The following TRAPPC9 variants were observed in gnomAD, a reference collection of about 807,000 sequenced individuals.
TRAPPC9 encodes the protein IKK2 binding protein.
A neutral mutation model predicts 124.0 loss-of-function variants in TRAPPC9; 83 were observed. The ratio of observed to expected loss-of-function variants is 0.67; its 90% CI spans 0.56 to 0.80. The LOEUF is 0.80. Among genes scored for constraint, TRAPPC9 ranks in the 30% least tolerant of loss-of-function variants. The probability of loss-of-function intolerance (pLI) is 0.00; values close to 1 mark genes in which losing one functional copy is unlikely to be tolerated. For synonymous variants in TRAPPC9, 638 were observed against 617.5 expected (o/e 1.03, Z -0.49); for missense variants, 1,302 against 1,508.3 (o/e 0.86, Z 2.27).
At chr8:139,886,355 G>A (rs899579324) in intron 20 of TRAPPC9, among the ~76,000 whole-genome samples, 4 of 152,170 alleles carry the variant, frequency 2.6e-5, no homozygotes, top group Non-Finnish European at 5.9e-5. Context: ...TCTTTGACAC[G>A]CGTCAGTTTC....
rs1290133147 is a variant in TRAPPC9, at chr8:139,757,820, C to T, written c.3056-25618G>A. The stretch of plus-strand genomic sequence containing the variant: ...TTCTCACGCTTAGTAGGCAAGCAGT[C>T]GGCACTGCTGGCGGGCTCGCCTCCC... On this transcript the variant is annotated intron_variant, in intron 21 of 22. Transcript: ENST00000438773. Among the ~76,000 whole-genome samples the T allele has an allele frequency of 5.9e-5, 9 of 152,104 alleles. No homozygotes were observed. The South Asian group carries it at 8.3e-4, about 14-fold the overall frequency.
chr8:140,074,377 C>G (rs141076996), intron 17 of TRAPPC9, among the ~76,000 whole-genome samples: 233 of 152,326 alleles, frequency 1.5e-3, no homozygotes, highest in African/African-American at 5.5e-3. Context: ...AGAAAAGCCA[C>G]TACTTTGGGC....
At chr8:140,370,697 T>C (rs548523423) in intron 8 of TRAPPC9, among the ~76,000 whole-genome samples, 2 of 152,356 alleles carry the variant, frequency 1.3e-5, no homozygotes, top group East Asian at 1.9e-4. Context: ...CACTGTTTGA[T>C]TGATGATGAC....
chr8:140,452,420 A>G (rs1247919179), intron 1 of TRAPPC9, among the ~76,000 whole-genome samples: 1 of 135,760 alleles, frequency 7.4e-6, no homozygotes, highest in African/African-American at 2.9e-5. Context: ...ACTGCATCTC[A>G]AAAAAAAAAA....
At chr8:139,940,866 C>T (rs548196564) in intron 19 of TRAPPC9, among the ~76,000 whole-genome samples, 7 of 152,300 alleles carry the variant, frequency 4.6e-5, no homozygotes, top group East Asian at 1.9e-4. Context: ...GGCTGAGTTC[C>T]GGCAGGGCGC....
chr8:140,413,180 G>A (rs1174945042), intron 5 of TRAPPC9, among the ~76,000 whole-genome samples: 1 of 152,162 alleles, frequency 6.6e-6, no homozygotes, highest in Non-Finnish European at 1.5e-5. Flanking sequence ...CCTGAGGTCA[G>A]GAGTTCAAGA....
chr8:140,440,160 T>C (rs1306651875), intron 2 of TRAPPC9, among the ~76,000 whole-genome samples: 1 of 152,214 alleles, frequency 6.6e-6, no homozygotes, highest in Non-Finnish European at 1.5e-5. Context: ...GTCTCCTTCC[T>C]GGCCACAAGG....
At chr8:140,147,893 T>C (rs144107713) in intron 17 of TRAPPC9, among the ~76,000 whole-genome samples, 2,803 of 152,314 alleles carry the variant, frequency 0.018, 42 homozygotes, top group Middle Eastern at 0.027. Context: ...GTCTAAGGCG[T>C]TGCCACCTCG....
At chr8:139,858,971 GC>G (rs1827969654) in intron 21 of TRAPPC9, among the ~76,000 whole-genome samples, 2 of 149,168 alleles carry the variant, frequency 1.3e-5, no homozygotes, top group Admixed American at 6.7e-5. Context: ...GTGAAATTGG[GC>G]CCCGAGTTTC....
chr8:140,254,125 G>A (rs1263270298), intron 15 of TRAPPC9, among the ~76,000 whole-genome samples: 3 of 152,188 alleles, frequency 2.0e-5, no homozygotes, highest in African/African-American at 7.2e-5. Flanking sequence ...ATGATATGCT[G>A]CCTTGACATC....
intron 16 of TRAPPC9, among the ~76,000 whole-genome samples, chr8:140,231,481 C>CTTTTTTTTTTTTTTTTTTTTTTTTTTT (rs71320347): frequency 1.8e-5 from 1 of 56,956 alleles, no homozygotes; most frequent in Non-Finnish European, 3.1e-5. Context: ...ACTGCCTTTT[C>CTTTTTTTTTTTTTTTTTTTTTTTTTTT]TTTTTTTTTT....
At chr8:140,181,911 T>C (rs564044404) in intron 17 of TRAPPC9, among the ~76,000 whole-genome samples, 6 of 152,312 alleles carry the variant, frequency 3.9e-5, no homozygotes, top group Non-Finnish European at 7.4e-5. Flanking sequence ...CTGGGTTGGC[T>C]GCTCCCTGCA....
chr8:139,807,747 A>G (rs1381151796), intron 21 of TRAPPC9, among the ~76,000 whole-genome samples: 1 of 152,192 alleles, frequency 6.6e-6, no homozygotes, highest in Non-Finnish European at 1.5e-5. Flanking sequence ...AGAGGTTGTT[A>G]ATAGCCTTCA....
intron 21 of TRAPPC9, among the ~76,000 whole-genome samples, chr8:139,873,476 A>G (rs1469272925): frequency 6.6e-6 from 1 of 152,076 alleles, no homozygotes; most frequent in African/African-American, 2.4e-5. Flanking sequence ...TGCCGGGGGT[A>G]AGCCAACTGC....
At chr8:139,759,506 G>T (rs1234290620) in intron 21 of TRAPPC9, among the ~76,000 whole-genome samples, 2 of 152,156 alleles carry the variant, frequency 1.3e-5, no homozygotes, top group Non-Finnish European at 2.9e-5. Context: ...AGGACTGCTG[G>T]GAATTCAAAG....
At chr8:140,413,055 G>A (rs142070311) in intron 5 of TRAPPC9, among the ~76,000 whole-genome samples, 4 of 152,092 alleles carry the variant, frequency 2.6e-5, no homozygotes, top group South Asian at 2.1e-4. Context: ...AGCTGGGCAC[G>A]GGGAATCCAC....
At chr8:140,403,910 A>G (rs1414889503) in intron 6 of TRAPPC9, among the ~76,000 whole-genome samples, 1 of 151,954 alleles carries the variant, frequency 6.6e-6, no homozygotes, top group Non-Finnish European at 1.5e-5. Context: ...TGCCTATATC[A>G]GCCTCCCAAA....
chr8:140,095,200 G>A (rs562471700), intron 17 of TRAPPC9: 1 of 152,250 alleles, frequency 6.6e-6, no homozygotes, highest in Non-Finnish European at 1.5e-5. Flanking sequence ...GGTCTTCAAC[G>A]CCATGGCCGG....
chr8:139,942,225 T>C (rs529610212), intron 19 of TRAPPC9, among the ~76,000 whole-genome samples: 1 of 152,300 alleles, frequency 6.6e-6, no homozygotes, highest in African/African-American at 2.4e-5. Context: ...TGATGACATC[T>C]CCGCCTGCTG....
Sources: gnomAD v4.1 joint callset for allele counts (sites outside exome capture counted in the v4.1 genomes callset) on GRCh38, gnomAD v4.1.1 for gene constraint, MANE v1.5 for transcripts, NCBI Gene and HGNC (gene_info 2026-07-23, HGNC 2026-07-21) for gene names.